DPP10: variants seen among roughly 807,000 people sequenced by gnomAD.
DPP10 encodes dipeptidyl peptidase like 10.
In DPP10, 33 loss-of-function variants were observed where a neutral mutation model predicts 120.9. The observed-to-expected ratio is 0.27, with a 90% CI of 0.21 to 0.37. The LOEUF (loss-of-function observed/expected upper bound fraction) is 0.37, where lower values mean the gene tolerates loss of function less well. DPP10 is among the 10% of genes least tolerant of loss of function. DPP10 has a pLI of 1.00. For synonymous variants in DPP10, 337 were observed against 326.1 expected, an observed-to-expected ratio of 1.03 and a Z score of -0.36; for missense variants, 816 against 942.8, an observed-to-expected ratio of 0.87 and a Z score of 1.76.
At chr2:114,528,116 C>T (rs6746254) in intron 1 of DPP10, among the ~76,000 whole-genome samples, 28,943 of 151,972 alleles carry the variant, frequency 0.19, 2,951 homozygotes, top group Admixed American at 0.25. Flanking sequence ...CCATCTCTCC[C>T]ATCCTTATCC....
At chr2:115,099,174 C>T (rs1344717427) in intron 1 of DPP10, among the ~76,000 whole-genome samples, 7 of 150,776 alleles carry the variant, frequency 4.6e-5, no homozygotes, top group South Asian at 2.1e-4. Context: ...AATAGCTGGA[C>T]GTGGTGGTGG....
At chr2:115,705,311 T>C (rs2092057721) in intron 7 of DPP10, among the ~76,000 whole-genome samples, 1 of 151,978 alleles carries the variant, frequency 6.6e-6, no homozygotes, top group Non-Finnish European at 1.5e-5. Flanking sequence ...ATATCTATGC[T>C]TTTTAATACA....
intron 1 of DPP10, among the ~76,000 whole-genome samples, chr2:114,571,635 C>T (rs1179154969): frequency 6.6e-6 from 1 of 151,938 alleles, no homozygotes; most frequent in South Asian, 2.1e-4. Context: ...TACGTCTCTA[C>T]AGAAAAATGT....
At position 115,156,253 on chromosome 2, in the gene DPP10, C is replaced by T. The variant is rs577853889; in HGVS notation, c.61-152986C>T. 8.5e-5 allele frequency among the ~76,000 whole-genome samples: 13 copies of T among 152,288 alleles called. 1 individual carries two copies. Among genetic ancestry groups the T allele is most frequent in the Admixed American group, 8.5e-4 (13 of 15,288 alleles). On this transcript the variant is annotated intron_variant, in intron 1 of 25. Coordinates refer to ENST00000410059, the MANE Select transcript of DPP10 (RefSeq NM_020868.6). ...CCTGACTCTGCATGGTGAAAGGAAC[C>T]CAAGGACTTGGCCTCAAGTTTCCTT...
At chr2:114,744,879 G>A (rs1241250372) in intron 1 of DPP10, among the ~76,000 whole-genome samples, 4 of 151,868 alleles carry the variant, frequency 2.6e-5, no homozygotes, top group East Asian at 1.9e-4. Context: ...CTCCTGCCTC[G>A]GCCTCCTGAG....
chr2:114,599,011 G>A (rs1192100138), intron 1 of DPP10, among the ~76,000 whole-genome samples: 1 of 151,766 alleles, frequency 6.6e-6, no homozygotes, highest in Non-Finnish European at 1.5e-5. Flanking sequence ...GTCAATAATT[G>A]GATGAAAAGA....
chr2:114,475,758 A>C (rs1573436148), intron 1 of DPP10, among the ~76,000 whole-genome samples: 1 of 152,362 alleles, frequency 6.6e-6, no homozygotes, highest in East Asian at 1.9e-4. Context: ...CTTTTAAGAC[A>C]ACTTTTCCTC....
intron 8 of DPP10, among the ~76,000 whole-genome samples, chr2:115,734,737 CGTATAT>C (rs2149670630): frequency 6.7e-6 from 1 of 149,146 alleles, no homozygotes; most frequent in Non-Finnish European, 1.5e-5. Flanking sequence ...TACACACACA[CGTATAT>C]GTATATTTTT....
At chr2:114,526,307 G>A (rs577133302) in intron 1 of DPP10, among the ~76,000 whole-genome samples, 40 of 152,248 alleles carry the variant, frequency 2.6e-4, no homozygotes, top group South Asian at 2.5e-3. Context: ...CTTGTTTCCC[G>A]TTCTGTTTTT....
intron 7 of DPP10, among the ~76,000 whole-genome samples, chr2:115,712,030 G>C (rs1575582440): frequency 6.7e-6 from 1 of 149,846 alleles, no homozygotes; most frequent in East Asian, 2.0e-4. Context: ...TCCATGGACT[G>C]GGGCAGGGGA....
At chr2:114,985,037 T>C (rs1558954954) in intron 1 of DPP10, among the ~76,000 whole-genome samples, 1 of 152,186 alleles carries the variant, frequency 6.6e-6, no homozygotes, top group East Asian at 1.9e-4. Flanking sequence ...ATTGATATAT[T>C]CCCATATATG....
chr2:115,494,085 A>C (rs2076269072), intron 3 of DPP10, among the ~76,000 whole-genome samples: 1 of 152,040 alleles, frequency 6.6e-6, no homozygotes, highest in South Asian at 2.1e-4. Flanking sequence ...AGTAGCTGGG[A>C]CTACAGGTGT....
intron 1 of DPP10, among the ~76,000 whole-genome samples, chr2:114,651,987 TC>T (rs1392234743): frequency 6.6e-6 from 1 of 152,110 alleles, no homozygotes; most frequent in East Asian, 1.9e-4. Context: ...TCTAACAAGC[TC>T]CCAGATGATT....
chr2:115,515,550 T>C, intron 4 of DPP10, among the ~76,000 whole-genome samples: 1 of 152,088 alleles, frequency 6.6e-6, no homozygotes, highest in East Asian at 1.9e-4. Flanking sequence ...ACTTTGCAAA[T>C]GACACTCATG....
At chr2:115,636,116 T>C (rs2086306660) in intron 5 of DPP10, among the ~76,000 whole-genome samples, 1 of 149,414 alleles carries the variant, frequency 6.7e-6, no homozygotes, top group Non-Finnish European at 1.5e-5. Context: ...GTGGTATTCT[T>C]ACCAAAAATG....
chr2:115,395,884 T>C (rs950075625), intron 3 of DPP10, among the ~76,000 whole-genome samples: 1 of 152,110 alleles, frequency 6.6e-6, no homozygotes, highest in Admixed American at 6.6e-5. Flanking sequence ...CTGTACATAC[T>C]ATATACAATG....
At chr2:115,622,750 T>C (rs564872072) in intron 5 of DPP10, among the ~76,000 whole-genome samples, 78 of 151,902 alleles carry the variant, frequency 5.1e-4, no homozygotes, top group Non-Finnish European at 1.0e-3. Context: ...TTTCAGTGGA[T>C]CCCTAATGAT....
At chr2:115,055,376 G>A (rs1705819406) in intron 1 of DPP10, among the ~76,000 whole-genome samples, 1 of 152,084 alleles carries the variant, frequency 6.6e-6, no homozygotes, top group Non-Finnish European at 1.5e-5. Flanking sequence ...GAAATGTTTT[G>A]TTGTTTTGAA....
At chr2:114,977,184 T>C (rs1374647361) in intron 1 of DPP10, among the ~76,000 whole-genome samples, 1 of 152,198 alleles carries the variant, frequency 6.6e-6, no homozygotes, top group Non-Finnish European at 1.5e-5. Flanking sequence ...GTTTACATCT[T>C]GTGCAATTGT....
Sources: gnomAD v4.1 joint callset for allele counts (sites outside exome capture counted in the v4.1 genomes callset) on GRCh38, gnomAD v4.1.1 for gene constraint, MANE v1.5 for transcripts, NCBI Gene and HGNC (gene_info 2026-07-23, HGNC 2026-07-21) for gene names.